DMD: variants seen among roughly 807,000 people sequenced by gnomAD.
DMD encodes dystrophin.
A neutral mutation model predicts 330.1 loss-of-function variants in DMD; 63 were observed. The ratio of observed to expected loss-of-function variants is 0.19; its 90% CI spans 0.16 to 0.24. The LOEUF (loss-of-function observed/expected upper bound fraction) is 0.24, where lower values mean the gene tolerates loss of function less well. Among genes scored for constraint, DMD ranks in the 10% least tolerant of loss-of-function variants. The probability of loss-of-function intolerance (pLI) is 1.00; values close to 1 mark genes in which losing one functional copy is unlikely to be tolerated. For missense variants in DMD, 3,344 were observed against 2,684.1 expected, an observed-to-expected ratio of 1.25 and a Z score of -5.43; for synonymous variants, 1,223 against 959.8, an observed-to-expected ratio of 1.27 and a Z score of -5.07.
At chrX:32,810,235 C>T (rs971121165) in intron 6 of DMD, among the ~76,000 whole-genome samples, 5 of 111,758 alleles carry the variant, frequency 4.5e-5, no homozygotes, top group African/African-American at 1.3e-4. Flanking sequence ...AAATAATCTA[C>T]GCTAGCTTAT....
At chrX:31,828,265 T>C (rs903243442) in intron 49 of DMD, among the ~76,000 whole-genome samples, 1 of 111,911 alleles carries the variant, frequency 8.9e-6, no homozygotes, top group African/African-American at 3.2e-5. Flanking sequence ...GATCATTCAC[T>C]ACTACTATGA....
chrX:32,615,906 T>G (rs1369842529), intron 11 of DMD, among the ~76,000 whole-genome samples: 2 of 111,738 alleles, frequency 1.8e-5, no homozygotes, highest in African/African-American at 6.5e-5. Flanking sequence ...CTTAAACTAT[T>G]TTTTGTATTT....
intron 1 of DMD, among the ~76,000 whole-genome samples, chrX:33,310,512 T>C: frequency 9.0e-6 from 1 of 111,490 alleles, no homozygotes; most frequent in Non-Finnish European, 1.9e-5. Context: ...GAACCAATTA[T>C]TAAATGTATA....
intron 47 of DMD, among the ~76,000 whole-genome samples, chrX:31,910,951 T>C (rs1387046689): frequency 1.8e-5 from 2 of 112,388 alleles, no homozygotes; most frequent in Non-Finnish European, 3.8e-5. Flanking sequence ...AGGAACTGTT[T>C]CCCTTACTAA....
intron 62 of DMD, among the ~76,000 whole-genome samples, chrX:31,320,989 T>A (rs1057264646): frequency 9.0e-6 from 1 of 111,430 alleles, no homozygotes; most frequent in African/African-American, 3.3e-5. Flanking sequence ...ATAATAATCC[T>A]AAATTATATA....
At chrX:32,715,070 C>T (rs1434879170) in intron 7 of DMD, among the ~76,000 whole-genome samples, 1 of 111,560 alleles carries the variant, frequency 9.0e-6, no homozygotes, top group East Asian at 2.8e-4. Flanking sequence ...ATATTTGCTA[C>T]TTTATAGACT....
chrX:33,084,924 AC>A (rs1179072815), intron 1 of DMD, among the ~76,000 whole-genome samples: 1 of 108,380 alleles, frequency 9.2e-6, no homozygotes, highest in East Asian at 2.9e-4. Flanking sequence ...TGGTTTCAAA[AC>A]CCTTATACTT....
At chrX:31,535,768 CCCTT>C (rs769224701) in intron 55 of DMD, among the ~76,000 whole-genome samples, 1 of 111,924 alleles carries the variant, frequency 8.9e-6, no homozygotes, top group East Asian at 2.8e-4. Flanking sequence ...TTGCCATTGT[CCCTT>C]CATTCATTCT....
chrX:33,050,577 A>G (rs1258356592), intron 1 of DMD, among the ~76,000 whole-genome samples: 1 of 111,665 alleles, frequency 9.0e-6, no homozygotes, highest in Non-Finnish European at 1.9e-5. Context: ...AGCCTCTTTG[A>G]GCAGAGATCA....
At chrX:31,318,553 A>C (rs891817928) in intron 62 of DMD, among the ~76,000 whole-genome samples, 1 of 112,454 alleles carries the variant, frequency 8.9e-6, no homozygotes, top group Non-Finnish European at 1.9e-5. Context: ...GATGCAATAA[A>C]TGGTTGTGGA....
chrX:31,406,296 A>G (rs1053351377), intron 60 of DMD, among the ~76,000 whole-genome samples: 3 of 111,725 alleles, frequency 2.7e-5, no homozygotes, highest in Non-Finnish European at 5.6e-5. Context: ...ACTGGGCTTA[A>G]TATCTGGGTG....
chrX:32,235,636 A>T (rs1482000461), intron 43 of DMD, among the ~76,000 whole-genome samples: 1 of 111,926 alleles, frequency 8.9e-6, no homozygotes, highest in Non-Finnish European at 1.9e-5. Context: ...AGAGGCCAAA[A>T]GGGGGTGTAT....
chrX:32,863,362 CAA>C (rs1198699781), intron 2 of DMD, among the ~76,000 whole-genome samples: 1 of 108,651 alleles, frequency 9.2e-6, no homozygotes, highest in African/African-American at 3.4e-5. Context: ...ACTAAAAATA[CAA>C]AAGTTAGCTG....
intron 60 of DMD, among the ~76,000 whole-genome samples, chrX:31,407,163 AT>A (rs2061429566): frequency 9.0e-6 from 1 of 111,465 alleles, no homozygotes; most frequent in Non-Finnish European, 1.9e-5. Flanking sequence ...TTTTATTATT[AT>A]TTTATTTCAT....
intron 49 of DMD, among the ~76,000 whole-genome samples, chrX:31,827,207 T>C (rs771126684): frequency 8.9e-6 from 1 of 111,844 alleles, no homozygotes; most frequent in East Asian, 2.8e-4. Flanking sequence ...ATATCACTTG[T>C]GGTAAAAGGA....
intron 7 of DMD, among the ~76,000 whole-genome samples, chrX:32,807,122 T>TTAAAAAAAAAAAAAAAAAAAAAAAAA (rs1345640031): frequency 4.8e-5 from 1 of 20,744 alleles, no homozygotes; most frequent in African/African-American, 2.2e-4. Context: ...CGGAAACATT[T>TTAAAAAAAAAAAAAAAAAAAAAAAAA]AAAAAAAAAA....
chrX:33,166,779 AT>A (rs1302934984), intron 1 of DMD, among the ~76,000 whole-genome samples: 1 of 107,003 alleles, frequency 9.3e-6, no homozygotes, highest in African/African-American at 3.4e-5. Context: ...ATATATATAT[AT>A]TTTTTTTCCT....
In DMD at chrX:32,844,420, A is replaced by AG. The variant is rs1241609787; in HGVS notation, c.264+362_264+363insC. ...AGACTCCATCTCAAAAAAAAAAAAA[A>AG]AGAAAAGAAAAGAAAAGAAAAGAAA... On this transcript the variant is annotated intron_variant, in intron 4 of 78. Coordinates refer to ENST00000357033, the MANE Select transcript of DMD (RefSeq NM_004006.3). Among the ~76,000 whole-genome samples the AG allele has an allele frequency of 1.8e-4, 10 of 56,130 alleles. No individual in the cohort carries two copies. The East Asian group carries it at 3.9e-3, about 22-fold the overall frequency. 48.7% of individuals were successfully genotyped at this position (56,130 alleles called of 115,157 possible).
intron 17 of DMD, among the ~76,000 whole-genome samples, chrX:32,542,749 T>C (rs1036668613): frequency 2.7e-4 from 30 of 112,311 alleles, no homozygotes; most frequent in African/African-American, 9.7e-4. Context: ...TAGACAATTA[T>C]CAATTAATGA....
Sources: gnomAD v4.1 joint callset for allele counts (sites outside exome capture counted in the v4.1 genomes callset) on GRCh38, gnomAD v4.1.1 for gene constraint, MANE v1.5 for transcripts, NCBI Gene and HGNC (gene_info 2026-07-23, HGNC 2026-07-21) for gene names.